The following XRCC1 variants were observed in gnomAD, a reference collection of about 807,000 sequenced individuals.
XRCC1 encodes DNA repair protein XRCC1.
In XRCC1, 52 loss-of-function variants were observed where a neutral mutation model predicts 83.3. The observed-to-expected ratio is 0.62, with a 90% CI of 0.50 to 0.79. The LOEUF (loss-of-function observed/expected upper bound fraction) is 0.79. Among genes scored for constraint, XRCC1 ranks in the 30% least tolerant of loss-of-function variants. XRCC1 has a pLI of 0.00. For missense variants in XRCC1, 793 were observed against 823.5 expected (o/e 0.96, Z 0.45); for synonymous variants, 281 against 312.6 (o/e 0.90, Z 1.07).
chr19:43,553,150 C>A, intron 6 of XRCC1, 59 bp from the exon 7 acceptor site: 1 of 1,492,462 alleles, frequency 6.7e-7, no homozygotes, highest in South Asian at 1.2e-5. Flanking sequence ...CCCTTTCACT[C>A]CTATCTATGG....
intron 3 of XRCC1, among the ~76,000 whole-genome samples, chr19:43,559,123 A>G (rs977758204): frequency 7.9e-5 from 12 of 152,002 alleles, no homozygotes; most frequent in African/African-American, 2.9e-4. Flanking sequence ...CCTGGCCAAC[A>G]GAGTGAGACT....
intron 4 of XRCC1, 33 bp downstream of exon 4, chr19:43,554,613 A>G: frequency 6.3e-7 from 1 of 1,587,636 alleles, no homozygotes; most frequent in Non-Finnish European, 8.6e-7. Context: ...CCCAGGACCA[A>G]GGACTCTGCA....
Position 43,552,036 on chromosome 19 carries a change from G to A in XRCC1, c.1063C>T (p.Arg355Trp), listed in dbSNP as rs752760387. ...GCCTACATGAGGTGCGTGCTGTCCC[G>A]GGTCCAGTCTGGCCGATACTTGGCC... ...LGAKYRPDWTRDSTHLICAFA... is the reference protein window; with the variant it reads ...LGAKYRPDWTWDSTHLICAFA... The change falls in exon 9 of 17, where the codon CGG becomes TGG. Residue 355 changes from arginine to tryptophan, a missense_variant. Physicochemically the swap from Arg to Trp is moderately radical, Grantham distance 101. Transcript: ENST00000262887. 9 of 1,613,912 alleles carry A rather than the reference G, an allele frequency of 5.6e-6. No individual in the cohort carries two copies. The highest frequency in any genetic ancestry group is 4.5e-5 in the East Asian group (2 of 44,894).
Position 43,548,062 on chromosome 19 carries a change from C to T in XRCC1, c.1200-1085G>A, listed in dbSNP as rs938640962. Reference sequence around the variant, plus strand: ...GAGGGAGGTGGGGGGCCAGCCGCCCCGTCGGGGGGGAGGTGGGGGGCCAGC... The same window carrying T: ...GAGGGAGGTGGGGGGCCAGCCGCCCTGTCGGGGGGGAGGTGGGGGGCCAGC... On this transcript the variant is annotated intron_variant, in intron 10 of 16. Transcript: ENST00000262887. Among the ~76,000 whole-genome samples, 33 of 140,026 alleles carry T rather than the reference C, an allele frequency of 2.4e-4. 1 individual carries two copies. The highest frequency in any genetic ancestry group is 2.2e-3 in the Admixed American group (31 of 14,082). 91.9% of individuals were successfully genotyped at this position (140,026 alleles called of 152,430 possible).
intron 2 of XRCC1, 97 bp from the exon 3 acceptor site, chr19:43,561,117 G>C: frequency 1.0e-6 from 1 of 974,566 alleles, no homozygotes; most frequent in South Asian, 1.3e-5. Flanking sequence ...CCATGTCCCT[G>C]TAATGTCAAT....
chr19:43,570,816 TA>T (rs1486823750), intron 2 of XRCC1, among the ~76,000 whole-genome samples: 1 of 142,682 alleles, frequency 7.0e-6, no homozygotes, highest in Non-Finnish European at 1.5e-5. Context: ...GAGATAAGCC[TA>T]CTGCCTTGGT....
intron 2 of XRCC1, among the ~76,000 whole-genome samples, chr19:43,566,323 G>T (rs1172010766): frequency 6.6e-6 from 1 of 151,426 alleles, no homozygotes; most frequent in Admixed American, 6.6e-5. Flanking sequence ...ACAAGGTCAG[G>T]AGAGTTCAAG....
intron 3 of XRCC1, 47 bp from the exon 4 acceptor site, chr19:43,554,851 T>C (rs926941105): frequency 6.3e-7 from 1 of 1,581,912 alleles, no homozygotes; most frequent in Admixed American, 1.7e-5. Flanking sequence ...CAGGTTGGCT[T>C]AGATGAGAGC....
intron 2 of XRCC1, among the ~76,000 whole-genome samples, chr19:43,568,977 TAA>T (rs34220562): frequency 1.5e-4 from 21 of 137,104 alleles, no homozygotes; most frequent in Admixed American, 2.9e-4. Context: ...CCAAAAAGCT[TAA>T]AAAAAAAAAA....
At position 43,554,641 on chromosome 19, in the gene XRCC1, G is replaced by A; in HGVS notation, c.414+5C>T. 6.2e-7 allele frequency: 1 copy of A among 1,608,834 alleles called. No individual in the cohort carries two copies. The highest frequency in any genetic ancestry group is 8.5e-7 in the Non-Finnish European group (1 of 1,176,714). ...ACTCTGCACCCTGGCTCCCACCCTAGGTACCTTGCTGTAGGGCTGGCTGCA... is the reference window on the plus strand; with the variant it reads ...ACTCTGCACCCTGGCTCCCACCCTAAGTACCTTGCTGTAGGGCTGGCTGCA... On this transcript the variant is annotated splice_donor_5th_base_variant and intron_variant, in intron 4 of 16. Transcript: ENST00000262887.
Position 43,552,229 on chromosome 19 carries a change from T to G in XRCC1, c.870A>C (p.Arg290=), listed in dbSNP as rs1198109417. Residue 290 remains arginine, a synonymous_variant, in exon 9 of 17, where the codon CGA becomes CGC. Transcript: ENST00000262887. ...GTTTGCCTGTCACTGCCCCCTGTGC[T>G]CGGGCAGGGACTGGGGCTGTGGCTG... ...RTPATAPVPA[R]AQGAVTGKPR... The G allele has an allele frequency of 1.2e-6, 2 of 1,613,260 alleles. No homozygotes were observed. The highest frequency in any genetic ancestry group is 1.1e-5 in the South Asian group (1 of 91,022).
In XRCC1 at chr19:43,558,584, A is replaced by C. The variant is rs1052093661; in HGVS notation, c.255+2326T>G. Among the ~76,000 whole-genome samples, 87 of 152,020 alleles carry C rather than the reference A, an allele frequency of 5.7e-4. 1 individual carries two copies. The highest frequency in any genetic ancestry group is 2.0e-3 in the African/African-American group (81 of 41,406). On this transcript the variant is annotated intron_variant, in intron 3 of 16. Transcript: ENST00000262887. ...GCAGAGGTTGCAGTGAGCTGAGATC[A>C]TGCCACTGTACTCCAACCTGAGCAA... is the stretch of plus-strand genomic sequence containing the variant.
At chr19:43,567,472 C>T (rs1034286355) in intron 2 of XRCC1, among the ~76,000 whole-genome samples, 4 of 151,970 alleles carry the variant, frequency 2.6e-5, no homozygotes, top group African/African-American at 4.8e-5. Context: ...CCACCACCCC[C>T]GGCTAATTTT....
rs1196896140 is a variant in XRCC1 at position 43,553,479 on chromosome 19, C to A, written c.523G>T (p.Val175Leu). 3.7e-6 allele frequency: 6 copies of A among 1,614,100 alleles called. No individual in the cohort carries two copies. The highest frequency in any genetic ancestry group is 1.3e-5 in the African/African-American group (1 of 74,920). ...TTGGCGCTCTCATCCTCCTCCTTCA[C>A]ACGGAACTGGCCAAGCTTGGTCACT... Reference protein sequence around the residue: ...VTVTKLGQFRVKEEDESANSL... With the variant: ...VTVTKLGQFRLKEEDESANSL... Residue 175 changes from valine to leucine, a missense_variant, in exon 6 of 17, where the codon GTG becomes TTG. By Grantham distance (32) the Val-to-Leu change is conservative. Coordinates refer to ENST00000262887, the MANE Select transcript of XRCC1 (RefSeq NM_006297.3).
intron 3 of XRCC1, among the ~76,000 whole-genome samples, chr19:43,560,332 G>T (rs1237718105): frequency 1.3e-5 from 2 of 151,636 alleles, no homozygotes; most frequent in East Asian, 3.9e-4. Flanking sequence ...GGAGGCAGAG[G>T]TTGCAAGGAG....
intron 9 of XRCC1, 147 bp from the exon 10 acceptor site, chr19:43,551,834 G>T: frequency 1.0e-6 from 1 of 1,004,366 alleles, no homozygotes; most frequent in Non-Finnish European, 1.5e-6. Flanking sequence ...AGAGGTTGGA[G>T]ACCAAGGGAG....
chr19:43,559,896 A>T (rs1399238517), intron 3 of XRCC1, among the ~76,000 whole-genome samples: 1 of 151,794 alleles, frequency 6.6e-6, no homozygotes, highest in Non-Finnish European at 1.5e-5. Context: ...CCTGGGCAAC[A>T]CAGTGAAACC....
At chr19:43,565,724 C>A (rs1002313011) in intron 2 of XRCC1, among the ~76,000 whole-genome samples, 2 of 152,176 alleles carry the variant, frequency 1.3e-5, no homozygotes, top group African/African-American at 4.8e-5. Context: ...TCACTTGAGG[C>A]CAGGAGTTCG....
intron 3 of XRCC1, among the ~76,000 whole-genome samples, chr19:43,560,460 A>G (rs1972686692): frequency 6.6e-6 from 1 of 152,132 alleles, no homozygotes; most frequent in African/African-American, 2.4e-5. Flanking sequence ...AGAAGTAACA[A>G]TGGAAGTGGA....
Sources: gnomAD v4.1 joint callset for allele counts (sites outside exome capture counted in the v4.1 genomes callset) on GRCh38, gnomAD v4.1.1 for gene constraint, MANE v1.5 for transcripts, NCBI Gene and HGNC (gene_info 2026-07-23, HGNC 2026-07-21) for gene names.